CDKAL1: variants seen among roughly 807,000 people sequenced by gnomAD.
CDKAL1 encodes CDKAL1 threonylcarbamoyladenosine tRNA methylthiotransferase, also known as threonylcarbamoyladenosine tRNA methylthiotransferase.
CDKAL1 carries 32 observed loss-of-function variants against 68.2 expected under a neutral mutation model. That is an observed-to-expected ratio of 0.47 (90% confidence interval 0.35 to 0.63). The LOEUF (loss-of-function observed/expected upper bound fraction) is 0.63, where lower values mean the gene tolerates loss of function less well. Among genes scored for constraint, CDKAL1 ranks in the 30% least tolerant of loss-of-function variants. The probability of loss-of-function intolerance (pLI) is 0.00; values close to 1 mark genes in which losing one functional copy is unlikely to be tolerated. For synonymous variants in CDKAL1, 234 were observed against 244.3 expected, an observed-to-expected ratio of 0.96 and a Z score of 0.39; for missense variants, 606 against 696.7, an observed-to-expected ratio of 0.87 and a Z score of 1.47.
chr6:20,649,468 T>C (rs1249772577), intron 5 of CDKAL1, 91 bp downstream of exon 5: 7 of 676,170 alleles, frequency 1.0e-5, no homozygotes, highest in Non-Finnish European at 7.5e-6. Flanking sequence ...AATATAGATA[T>C]TTAGTTTATA....
chr6:21,063,680 G>T (rs1200552980), intron 11 of CDKAL1, among the ~76,000 whole-genome samples: 1 of 152,172 alleles, frequency 6.6e-6, no homozygotes, highest in African/African-American at 2.4e-5. Flanking sequence ...AAGGAAAATT[G>T]AGAAAGAGCT....
chr6:20,996,426 C>G (rs368332027), intron 10 of CDKAL1, among the ~76,000 whole-genome samples: 1 of 152,164 alleles, frequency 6.6e-6, no homozygotes, highest in Non-Finnish European at 1.5e-5. Flanking sequence ...AAACGTGGGA[C>G]TTTTCCATCC....
intron 5 of CDKAL1, among the ~76,000 whole-genome samples, chr6:20,719,528 G>T (rs748358591): frequency 6.6e-6 from 1 of 152,150 alleles, no homozygotes; most frequent in Non-Finnish European, 1.5e-5. Flanking sequence ...AGGTTGAAAA[G>T]ACTTTAGAGA....
At chr6:21,140,519 T>G (rs1775845893) in intron 13 of CDKAL1, among the ~76,000 whole-genome samples, 1 of 152,212 alleles carries the variant, frequency 6.6e-6, no homozygotes, top group Non-Finnish European at 1.5e-5. Context: ...GCCCACTTTC[T>G]GACCAAATTA....
intron 10 of CDKAL1, among the ~76,000 whole-genome samples, chr6:20,996,769 C>T (rs1483868144): frequency 1.3e-5 from 2 of 152,164 alleles, no homozygotes; most frequent in Non-Finnish European, 2.9e-5. Context: ...AGTGCACATG[C>T]TTGACACAGG....
intron 5 of CDKAL1, among the ~76,000 whole-genome samples, chr6:20,725,645 G>A (rs1464199093): frequency 5.3e-5 from 8 of 151,922 alleles, no homozygotes; most frequent in Non-Finnish European, 1.0e-4. Context: ...TTAGCCGGGC[G>A]TGGTGGCACA....
intron 11 of CDKAL1, among the ~76,000 whole-genome samples, chr6:21,052,334 T>A (rs1172974566): frequency 6.6e-6 from 1 of 152,104 alleles, no homozygotes. Flanking sequence ...TTTATTTTGC[T>A]GTTTGTCCCG....
At chr6:21,181,223 A>G in intron 13 of CDKAL1, among the ~76,000 whole-genome samples, 1 of 152,216 alleles carries the variant, frequency 6.6e-6, no homozygotes, top group East Asian at 1.9e-4. Flanking sequence ...CCGAATCACC[A>G]CTTAAAGATT....
At chr6:20,888,046 T>C (rs1381046307) in intron 9 of CDKAL1, among the ~76,000 whole-genome samples, 1 of 152,032 alleles carries the variant, frequency 6.6e-6, no homozygotes, top group Non-Finnish European at 1.5e-5. Flanking sequence ...TACTCATGTA[T>C]ACGTGTGCCA....
intron 4 of CDKAL1, among the ~76,000 whole-genome samples, chr6:20,572,280 A>C (rs1764735486): frequency 6.6e-6 from 1 of 152,172 alleles, no homozygotes; most frequent in South Asian, 2.1e-4. Flanking sequence ...CTAATGCTTA[A>C]GTTTCAAGGC....
chr6:20,857,696 T>G (rs1759407984), intron 9 of CDKAL1, among the ~76,000 whole-genome samples: 3 of 152,182 alleles, frequency 2.0e-5, no homozygotes, highest in Admixed American at 2.0e-4. Flanking sequence ...TAGAGAACTT[T>G]CTTAATTACG....
In CDKAL1 at chr6:21,160,443, G is replaced by A. The variant is rs186470074; in HGVS notation, c.1300-37578G>A. On this transcript the variant is annotated intron_variant, in intron 13 of 15. Coordinates refer to ENST00000274695, the MANE Select transcript of CDKAL1 (RefSeq NM_017774.3). ...CTCCTGAGTAGCTGGGATTACAGGCGCCCACCACCATGCCCAGCTAATTTT... is the reference window on the plus strand; with the variant it reads ...CTCCTGAGTAGCTGGGATTACAGGCACCCACCACCATGCCCAGCTAATTTT... Among the ~76,000 whole-genome samples, 683 of 151,150 alleles carry A rather than the reference G, an allele frequency of 4.5e-3. 6 individuals are homozygous for A. The highest frequency in any genetic ancestry group is 0.015 in the African/African-American group (620 of 41,236).
At chr6:20,759,242 T>A (rs1251997949) in intron 7 of CDKAL1, among the ~76,000 whole-genome samples, 2 of 152,170 alleles carry the variant, frequency 1.3e-5, no homozygotes, top group Non-Finnish European at 2.9e-5. Context: ...ATTTAATCAA[T>A]TTTAAGATAA....
At chr6:20,693,073 T>C (rs1164082089) in intron 5 of CDKAL1, among the ~76,000 whole-genome samples, 1 of 138,348 alleles carries the variant, frequency 7.2e-6, no homozygotes, top group African/African-American at 2.8e-5. Flanking sequence ...GAGCTTGCAG[T>C]GAGCCGAGGT....
At chr6:20,950,707 G>A (rs534988829) in intron 9 of CDKAL1, among the ~76,000 whole-genome samples, 14 of 152,080 alleles carry the variant, frequency 9.2e-5, no homozygotes, top group Middle Eastern at 3.4e-3. Flanking sequence ...GGCTCATGCC[G>A]GTAATCCCAG....
chr6:21,043,088 A>G (rs1428628386), intron 11 of CDKAL1, among the ~76,000 whole-genome samples: 1 of 152,180 alleles, frequency 6.6e-6, no homozygotes, highest in Non-Finnish European at 1.5e-5. Context: ...TATCACTACC[A>G]CAACTACCAG....
At chr6:20,952,410 T>G (rs1764579328) in intron 9 of CDKAL1, among the ~76,000 whole-genome samples, 1 of 152,180 alleles carries the variant, frequency 6.6e-6, no homozygotes, top group Non-Finnish European at 1.5e-5. Flanking sequence ...GCTGTGTTCA[T>G]GAAGACTGTC....
chr6:20,937,247 G>C (rs190313384), intron 9 of CDKAL1, among the ~76,000 whole-genome samples: 1 of 152,196 alleles, frequency 6.6e-6, no homozygotes, highest in East Asian at 1.9e-4. Flanking sequence ...ACCACACCCA[G>C]CTAATTTATT....
chr6:20,714,301 C>T (rs955228919), intron 5 of CDKAL1, among the ~76,000 whole-genome samples: 4 of 148,342 alleles, frequency 2.7e-5, no homozygotes, highest in Non-Finnish European at 4.5e-5. Flanking sequence ...AAATTTTTTG[C>T]ATGTTAAGTG....
Sources: allele counts gnomAD v4.1 joint callset (sites outside exome capture counted in the v4.1 genomes callset), GRCh38; gene constraint gnomAD v4.1.1; transcripts MANE v1.5; gene names NCBI Gene and HGNC (gene_info 2026-07-23, HGNC 2026-07-21).